Variants in FRMPD2 observed in about 807,000 individuals in gnomAD.
The protein encoded by FRMPD2 is FERM and PDZ domain containing 2, also known as FERM and PDZ domain-containing protein 2.
FRMPD2 carries 96 observed loss-of-function variants against 140.1 expected under a neutral mutation model. The observed-to-expected ratio is 0.69, with a 90% CI of 0.58 to 0.81. FRMPD2 has a LOEUF of 0.81. FRMPD2 is among the 40% of genes least tolerant of loss of function. The probability of loss-of-function intolerance (pLI) is 0.00; values close to 1 mark genes in which losing one functional copy is unlikely to be tolerated. For synonymous variants in FRMPD2, 449 were observed against 547.6 expected, an observed-to-expected ratio of 0.82 and a Z score of 2.52; for missense variants, 1,240 against 1,447.4, an observed-to-expected ratio of 0.86 and a Z score of 2.32.
chr10:48,240,625 C>G, intron 5 of FRMPD2, 133 bp from the exon 6 acceptor site: 1 of 1,247,748 alleles, frequency 8.0e-7, no homozygotes, highest in South Asian at 1.4e-5. Flanking sequence ...AAGATGTGTT[C>G]TCTGGCACCC....
chr10:48,258,594 T>G lies in FRMPD2; in HGVS notation c.26-6903A>C, dbSNP rs145940191. Among the ~76,000 whole-genome samples the G allele has an allele frequency of 2.6e-3, 399 of 152,270 alleles. 3 individuals are homozygous for G. Among genetic ancestry groups the G allele is most frequent in the Non-Finnish European group, 4.7e-3 (317 of 68,024 alleles). ...AGGCAACTAGAGAACACCCTACCAC[T>G]CTTCAGGATTCCAAGGTGGCATCTT... On this transcript the variant is annotated intron_variant, in intron 1 of 28. Coordinates refer to ENST00000374201, the MANE Select transcript of FRMPD2 (RefSeq NM_001018071.4).
At chr10:48,202,896 G>C (rs1000489614) in intron 14 of FRMPD2, among the ~76,000 whole-genome samples, 3 of 152,144 alleles carry the variant, frequency 2.0e-5, no homozygotes, top group Admixed American at 2.0e-4. Flanking sequence ...GAAGTGCTGG[G>C]TTCAAGCAAT....
At chr10:48,198,256 A>G (rs1187724193) in intron 15 of FRMPD2, among the ~76,000 whole-genome samples, 1 of 152,210 alleles carries the variant, frequency 6.6e-6, no homozygotes, top group East Asian at 1.9e-4. Flanking sequence ...TAACAGTAAC[A>G]TTTTGGTGCA....
intron 10 of FRMPD2, among the ~76,000 whole-genome samples, chr10:48,231,167 C>A (rs1172034741): frequency 6.6e-6 from 1 of 152,194 alleles, no homozygotes; most frequent in African/African-American, 2.4e-5. Flanking sequence ...GTGATGCTTT[C>A]AGAGCAATAA....
At position 48,239,624 on chromosome 10, in the gene FRMPD2, AGTGACTGT is replaced by A; in HGVS notation, c.761_768del (p.His254LeufsTer6). 6.2e-7 allele frequency: 1 copy of A among 1,614,114 alleles called. No individual in the cohort carries two copies. The highest frequency in any genetic ancestry group is 8.5e-7 in the Non-Finnish European group (1 of 1,179,932). ...GCTTACCGGTTAACAAGGAGGCTGC[AGTGACTGT>A]GTGTCAAGGTGCTCCAATGGGGCTC... On this transcript the variant is annotated frameshift_variant, in exon 7 of 29. Coordinates refer to ENST00000374201, the MANE Select transcript of FRMPD2 (RefSeq NM_001018071.4). LOFTEE classifies it high-confidence loss of function.
At chr10:48,270,210 G>A (rs1432369594) in intron 1 of FRMPD2, among the ~76,000 whole-genome samples, 2 of 152,178 alleles carry the variant, frequency 1.3e-5, no homozygotes, top group Admixed American at 1.3e-4. Flanking sequence ...AGTGGACGTG[G>A]TCTCGAGGCC....
chr10:48,224,889 G>T (rs747749456), intron 10 of FRMPD2, among the ~76,000 whole-genome samples: 1 of 152,218 alleles, frequency 6.6e-6, no homozygotes, highest in Non-Finnish European at 1.5e-5. Flanking sequence ...GTATTCACAG[G>T]TTATGAAAGG....
In FRMPD2 at chr10:48,240,353, T is replaced by C; in HGVS notation, c.700+7A>G. On this transcript the variant is annotated splice_region_variant and intron_variant, in intron 6 of 28. Transcript: ENST00000374201. ...CCACGCAGGGACTGCTTAGGGCACG[T>C]ACCCACCTCTGCAAGGATGCAGACA... 6.2e-7 allele frequency: 1 copy of C among 1,610,882 alleles called. No homozygotes were observed. Among genetic ancestry groups the C allele is most frequent in the East Asian group, 2.2e-5 (1 of 44,876 alleles).
Position 48,240,440 on chromosome 10 carries a change from T to C in FRMPD2, c.620A>G (p.Tyr207Cys). 6.2e-7 allele frequency: 1 copy of C among 1,613,834 alleles called. No homozygotes were observed. Among genetic ancestry groups the C allele is most frequent in the Non-Finnish European group, 8.5e-7 (1 of 1,180,030 alleles). ...CCCACGCAGCCTCTTCCTGAGCAGGTAGCTTCTGTTCTGCTGCACAGAGGA... is the reference window on the plus strand; with the variant it reads ...CCCACGCAGCCTCTTCCTGAGCAGGCAGCTTCTGTTCTGCTGCACAGAGGA... ...ESSSVQQNRSYLLRKRLRGTS... is the reference protein window; with the variant it reads ...ESSSVQQNRSCLLRKRLRGTS... The change falls in exon 6 of 29, where the codon TAC (tyrosine) becomes TGC (cysteine). Residue 207 changes from tyrosine to cysteine, a missense_variant. Tyr to Cys is a radical substitution (Grantham distance 194). Coordinates refer to ENST00000374201, the MANE Select transcript of FRMPD2 (RefSeq NM_001018071.4).
chr10:48,232,380 A>G (rs2131926035), intron 9 of FRMPD2, 91 bp from the exon 10 acceptor site: 2 of 863,532 alleles, frequency 2.3e-6, no homozygotes, highest in Non-Finnish European at 3.5e-6. Context: ...CTTTACACAC[A>G]TTGTCTCATT....
intron 13 of FRMPD2, 38 bp downstream of exon 13, chr10:48,211,916 G>A (rs1291435178): frequency 6.9e-6 from 11 of 1,598,044 alleles, no homozygotes; most frequent in Non-Finnish European, 8.5e-6. Flanking sequence ...GCATTCCCTT[G>A]AAGACCAACA....
At chr10:48,237,943 C>T (rs567519420) in intron 8 of FRMPD2, 48 bp downstream of exon 8, 4 of 1,612,216 alleles carry the variant, frequency 2.5e-6, no homozygotes, top group South Asian at 2.2e-5. Flanking sequence ...CCCACAGCTC[C>T]CTGCTCAAGC....
intron 11 of FRMPD2, 131 bp from the exon 12 acceptor site, chr10:48,222,582 G>A: frequency 3.2e-6 from 3 of 927,832 alleles, no homozygotes; most frequent in Non-Finnish European, 4.9e-6. Flanking sequence ...AGAATTCAGA[G>A]GCAATGCCAG....
chr10:48,236,511 T>G lies in FRMPD2; in HGVS notation c.964A>C (p.Met322Leu), dbSNP rs763980220. The change falls in exon 9 of 29, where the codon ATG (methionine) becomes CTG (leucine). Residue 322 changes from methionine to leucine, a missense_variant. Met to Leu is a conservative substitution (Grantham distance 15). This residue lies in a region of FRMPD2 where 1,161 missense variants were observed against 1,055.9 expected (regional missense o/e 1.10). Transcript: ENST00000374201. ...EFILLAGEAP[M>L]TLHLPGSVVT... is the part of the protein sequence containing the mutation. ...ACCGATCCCGGCAGATGTAGTGTCA[T>G]CGGGGCCTCTCCAGCCAACAGGATG... 1.2e-6 allele frequency: 2 copies of G among 1,614,182 alleles called. No homozygotes were observed. Among genetic ancestry groups the G allele is most frequent in the Middle Eastern group, 1.7e-4 (1 of 6,060 alleles).
At chr10:48,242,412 G>C in intron 4 of FRMPD2, 60 bp from the exon 5 acceptor site, 1 of 1,486,958 alleles carries the variant, frequency 6.7e-7, no homozygotes, top group Non-Finnish European at 9.2e-7. Context: ...TACGAGGCCA[G>C]CACCTTGTCA....
chr10:48,204,669 TAA>T (rs1447419198), intron 14 of FRMPD2, among the ~76,000 whole-genome samples: 1 of 152,228 alleles, frequency 6.6e-6, no homozygotes, highest in African/African-American at 2.4e-5. Flanking sequence ...TAAAAATTCA[TAA>T]AGTTTTTGTG....
intron 10 of FRMPD2, among the ~76,000 whole-genome samples, chr10:48,223,814 G>A (rs1839664138): frequency 6.6e-6 from 1 of 152,164 alleles, no homozygotes; most frequent in African/African-American, 2.4e-5. Flanking sequence ...CCCATGATGG[G>A]ATCAGCATCC....
intron 14 of FRMPD2, among the ~76,000 whole-genome samples, chr10:48,204,924 A>T (rs1839171876): frequency 2.0e-5 from 3 of 152,180 alleles, no homozygotes; most frequent in Admixed American, 2.0e-4. Flanking sequence ...ACATCTACGA[A>T]TCATATTCTT....
At chr10:48,193,213 G>A (rs764708754) in intron 15 of FRMPD2, among the ~76,000 whole-genome samples, 8 of 152,162 alleles carry the variant, frequency 5.3e-5, no homozygotes, top group Admixed American at 3.3e-4. Context: ...GGCTCCGGCC[G>A]AGCCTCCTGC....
Sources: allele counts gnomAD v4.1 joint callset (sites outside exome capture counted in the v4.1 genomes callset), GRCh38; gene constraint gnomAD v4.1.1; regional missense constraint gnomAD v4.1.1; transcripts MANE v1.5; gene names NCBI Gene and HGNC (gene_info 2026-07-23, HGNC 2026-07-21).